KCNMA1: variants seen among roughly 807,000 people sequenced by gnomAD.
The protein encoded by KCNMA1 is Calcium-activated potassium channel subunit alpha-1.
Under a neutral mutation model 140.0 loss-of-function variants are expected in KCNMA1, and 29 were observed. That is an observed-to-expected ratio of 0.21 (90% CI 0.15 to 0.28). The LOEUF (loss-of-function observed/expected upper bound fraction) is 0.28. KCNMA1 is among the 10% of genes least tolerant of loss of function. The pLI, the probability that KCNMA1 is intolerant of heterozygous loss-of-function variation, is 1.00. For synonymous variants in KCNMA1, 612 were observed against 611.9 expected, an observed-to-expected ratio of 1.00 and a Z score of 0.00; for missense variants, 880 against 1,602.2, an observed-to-expected ratio of 0.55 and a Z score of 7.70.
chr10:77,057,725 A>AT (rs1411816218), intron 14 of KCNMA1, among the ~76,000 whole-genome samples: 1 of 151,884 alleles, frequency 6.6e-6, no homozygotes, highest in Non-Finnish European at 1.5e-5. Flanking sequence ...TGAGCAATCA[A>AT]TTTTTTAAAA....
chr10:77,096,369 C>A (rs1193168665), intron 9 of KCNMA1, among the ~76,000 whole-genome samples: 1 of 152,144 alleles, frequency 6.6e-6, no homozygotes, highest in African/African-American at 2.4e-5. Context: ...GACCTTAGTT[C>A]ACACCTCCAT....
intron 2 of KCNMA1, among the ~76,000 whole-genome samples, chr10:77,381,645 T>A (rs868854327): frequency 2.0e-5 from 3 of 152,264 alleles, no homozygotes; most frequent in East Asian, 1.9e-4. Flanking sequence ...ACTTTTTTTT[T>A]AAATCCCTAC....
intron 19 of KCNMA1, among the ~76,000 whole-genome samples, chr10:76,974,777 A>G (rs2077007534): frequency 6.6e-6 from 1 of 152,042 alleles, no homozygotes; most frequent in Admixed American, 6.6e-5. Context: ...CATCTGTATC[A>G]GTAGGGATAA....
chr10:77,568,138 C>T (rs539044024), intron 1 of KCNMA1, among the ~76,000 whole-genome samples: 2 of 152,288 alleles, frequency 1.3e-5, no homozygotes, highest in South Asian at 2.1e-4. Flanking sequence ...CATTCACAGC[C>T]GAATTCTACC....
intron 3 of KCNMA1, among the ~76,000 whole-genome samples, chr10:77,242,086 C>T (rs1237918987): frequency 1.3e-5 from 2 of 152,126 alleles, no homozygotes; most frequent in Non-Finnish European, 2.9e-5. Flanking sequence ...CCCTGTGATG[C>T]TCTGTATGTG....
At chr10:77,254,831 C>T (rs2060396945) in intron 2 of KCNMA1, among the ~76,000 whole-genome samples, 1 of 152,166 alleles carries the variant, frequency 6.6e-6, no homozygotes, top group Admixed American at 6.5e-5. Context: ...GCCCAAGGGA[C>T]ATGGTAAAAT....
intron 1 of KCNMA1, among the ~76,000 whole-genome samples, chr10:77,538,071 A>ACTT (rs2059327015): frequency 6.6e-6 from 1 of 151,570 alleles, no homozygotes; most frequent in African/African-American, 2.4e-5. Flanking sequence ...ACACACACTC[A>ACTT]CACACATCCA....
chr10:77,470,325 G>C (rs1490112276), intron 1 of KCNMA1, among the ~76,000 whole-genome samples: 1 of 152,290 alleles, frequency 6.6e-6, no homozygotes, highest in East Asian at 1.9e-4. Flanking sequence ...AAACTGAGGA[G>C]GTGAGGCCCG....
intron 5 of KCNMA1, among the ~76,000 whole-genome samples, chr10:77,175,607 G>A (rs943566830): frequency 1.3e-5 from 2 of 152,156 alleles, no homozygotes; most frequent in African/African-American, 4.8e-5. Flanking sequence ...CCTATAGCAC[G>A]AATCCTAACA....
intron 14 of KCNMA1, among the ~76,000 whole-genome samples, chr10:77,051,688 G>A (rs1305898217): frequency 1.3e-5 from 2 of 152,136 alleles, no homozygotes; most frequent in African/African-American, 4.8e-5. Context: ...AGTACAGCAG[G>A]GAAGTGCCTA....
intron 2 of KCNMA1, among the ~76,000 whole-genome samples, chr10:77,295,860 G>A (rs2074960108): frequency 6.7e-6 from 1 of 148,760 alleles, no homozygotes; most frequent in South Asian, 2.1e-4. Context: ...ATTAGAAACT[G>A]GGGATGAAGA....
intron 13 of KCNMA1, among the ~76,000 whole-genome samples, chr10:77,074,830 G>C (rs1172587315): frequency 2.6e-5 from 4 of 152,174 alleles, no homozygotes; most frequent in Admixed American, 1.3e-4. Context: ...GTCTCTGCTA[G>C]TGCCAAGATT....
chr10:77,553,124 C>T (rs576831034), intron 1 of KCNMA1, among the ~76,000 whole-genome samples: 1 of 152,278 alleles, frequency 6.6e-6, no homozygotes, highest in East Asian at 1.9e-4. Context: ...TTGCAACTTC[C>T]CAAACAGCAC....
At chr10:77,284,216 A>G (rs2069816923) in intron 2 of KCNMA1, among the ~76,000 whole-genome samples, 2 of 152,170 alleles carry the variant, frequency 1.3e-5, no homozygotes, top group Admixed American at 6.5e-5. Context: ...GACCAGAAGA[A>G]GAGAGGTTTC....
intron 2 of KCNMA1, among the ~76,000 whole-genome samples, chr10:77,311,287 TA>T (rs2079199864): frequency 6.6e-6 from 1 of 152,082 alleles, no homozygotes. Flanking sequence ...GAGTCCCCAT[TA>T]GGGCCCAACA....
chr10:77,140,070 G>A (rs2098131697), intron 5 of KCNMA1, among the ~76,000 whole-genome samples: 1 of 152,140 alleles, frequency 6.6e-6, no homozygotes, highest in African/African-American at 2.4e-5. Flanking sequence ...AGCACTAGAG[G>A]CCAGTTAAAT....
chr10:77,316,985 C>G (rs1032901300), intron 2 of KCNMA1, among the ~76,000 whole-genome samples: 17 of 152,146 alleles, frequency 1.1e-4, no homozygotes, highest in Admixed American at 3.3e-4. Flanking sequence ...GGGTCATGCC[C>G]TCATTCATAA....
At chr10:76,993,330 C>A (rs998902493) in intron 19 of KCNMA1, among the ~76,000 whole-genome samples, 1 of 152,196 alleles carries the variant, frequency 6.6e-6, no homozygotes, top group African/African-American at 2.4e-5. Flanking sequence ...GAGTGGGTCT[C>A]CTAGTCCTGG....
At chr10:77,624,895 G>C (rs1303727664) in intron 1 of KCNMA1, among the ~76,000 whole-genome samples, 3 of 151,986 alleles carry the variant, frequency 2.0e-5, no homozygotes, top group African/African-American at 7.3e-5. Context: ...CAGCCTGGGT[G>C]CTTCTAGAGG....
Sources: allele counts gnomAD v4.1 joint callset (sites outside exome capture counted in the v4.1 genomes callset), GRCh38; gene constraint gnomAD v4.1.1; transcripts MANE v1.5; gene names NCBI Gene and HGNC (gene_info 2026-07-23, HGNC 2026-07-21).